ITGB3BP: variants seen among roughly 807,000 people sequenced by gnomAD.
ITGB3BP encodes integrin subunit beta 3 binding protein.
Under a neutral mutation model 29.1 loss-of-function variants are expected in ITGB3BP, and 27 were observed. That is an observed-to-expected ratio of 0.93 (90% CI 0.68 to 1.28). The LOEUF is 1.28. ITGB3BP is among the 50% of genes most tolerant of loss of function. The pLI, the probability that ITGB3BP is intolerant of heterozygous loss-of-function variation, is 0.00. For synonymous variants in ITGB3BP, 61 were observed against 61.4 expected, an observed-to-expected ratio of 0.99 and a Z score of 0.03; for missense variants, 192 against 200.2, an observed-to-expected ratio of 0.96 and a Z score of 0.25.
chr1:63,480,646 C>A (rs1173918088), intron 3 of ITGB3BP, among the ~76,000 whole-genome samples: 2 of 151,334 alleles, frequency 1.3e-5, no homozygotes, highest in East Asian at 3.9e-4. Context: ...AAAAACAAAA[C>A]AAAAAAAACC....
At chr1:63,478,953 G>A (rs1645390064) in intron 3 of ITGB3BP, 120 bp from the exon 4 acceptor site, 1 of 397,728 alleles carries the variant, frequency 2.5e-6, no homozygotes, top group Non-Finnish European at 4.5e-6. Context: ...AAGGGAGGTG[G>A]GCAAAGAAAA....
intron 1 of ITGB3BP, among the ~76,000 whole-genome samples, chr1:63,509,841 G>C (rs903776892): frequency 2.0e-5 from 3 of 152,118 alleles, no homozygotes; most frequent in African/African-American, 7.2e-5. Flanking sequence ...ATTTAGCTTT[G>C]GAATACATAT....
chr1:63,527,845 G>A (rs928435145), upstream of ITGB3BP: 4 of 152,156 alleles, frequency 2.6e-5, no homozygotes, highest in African/African-American at 9.7e-5. Context: ...GCAAGCATAT[G>A]CTAAGCTACC....
intron 2 of ITGB3BP, among the ~76,000 whole-genome samples, chr1:63,496,338 C>G (rs933100758): frequency 2.0e-5 from 3 of 152,066 alleles, no homozygotes; most frequent in African/African-American, 7.2e-5. Context: ...AGCAATCTGC[C>G]AGCCTCAGCC....
At chr1:63,467,005 CCTATGTAGCTGG>C (rs899407215) in intron 4 of ITGB3BP, among the ~76,000 whole-genome samples, 2 of 152,052 alleles carry the variant, frequency 1.3e-5, no homozygotes, top group Admixed American at 1.3e-4. Flanking sequence ...CAAACAGCCT[CCTATGTAGCTGG>C]GTCCACAGGT....
At chr1:63,480,538 ACAGT>A (rs1006230291) in intron 3 of ITGB3BP, among the ~76,000 whole-genome samples, 3 of 152,062 alleles carry the variant, frequency 2.0e-5, no homozygotes, top group African/African-American at 7.2e-5. Flanking sequence ...CTAATGAAAA[ACAGT>A]CAAACGAAAC....
chr1:63,494,603 C>T (rs1481833021), intron 2 of ITGB3BP, among the ~76,000 whole-genome samples: 3 of 152,080 alleles, frequency 2.0e-5, no homozygotes, highest in Admixed American at 2.0e-4. Context: ...TATACATTTG[C>T]TAAAACTCAT....
chr1:63,448,669 C>G (rs1367263059), intron 7 of ITGB3BP, among the ~76,000 whole-genome samples: 1 of 151,984 alleles, frequency 6.6e-6, no homozygotes, highest in Non-Finnish European at 1.5e-5. Flanking sequence ...AAAAAGTTCA[C>G]CTGTCAGGTG....
At chr1:63,473,920 TG>T (rs1298903640) in intron 4 of ITGB3BP, among the ~76,000 whole-genome samples, 1 of 8,750 alleles carries the variant, frequency 1.1e-4, no homozygotes, top group Non-Finnish European at 2.6e-4. Flanking sequence ...GGGAGGGAGG[TG>T]GGGGGGTCAG....
intron 4 of ITGB3BP, among the ~76,000 whole-genome samples, 195 bp from the exon 5 acceptor site, chr1:63,455,163 A>C (rs1644915176): frequency 6.6e-6 from 1 of 152,164 alleles, no homozygotes; most frequent in African/African-American, 2.4e-5. Flanking sequence ...GGGATGGAAG[A>C]CATAGTTGGC....
chr1:63,453,875 A>T, intron 7 of ITGB3BP, 43 bp downstream of exon 7: 1 of 1,189,474 alleles, frequency 8.4e-7, no homozygotes, highest in Non-Finnish European at 1.2e-6. Flanking sequence ...GCAAAATGGG[A>T]TGAAAGCATC....
chr1:63,518,030 T>C (rs1646372565), intron 1 of ITGB3BP, among the ~76,000 whole-genome samples: 1 of 152,168 alleles, frequency 6.6e-6, no homozygotes, highest in South Asian at 2.1e-4. Flanking sequence ...GCCCCACTTT[T>C]TCCTTTTTAA....
chr1:63,496,168 C>A (rs1237041772), intron 2 of ITGB3BP, among the ~76,000 whole-genome samples: 7 of 151,708 alleles, frequency 4.6e-5, no homozygotes, highest in Non-Finnish European at 1.0e-4. Context: ...TCACGGCTCA[C>A]TGCAACGTCC....
intron 3 of ITGB3BP, among the ~76,000 whole-genome samples, chr1:63,483,346 T>C (rs1260002939): frequency 6.6e-6 from 1 of 152,216 alleles, no homozygotes; most frequent in Non-Finnish European, 1.5e-5. Context: ...TTCACAATAA[T>C]AAAAATGTTT....
At chr1:63,505,205 T>C (rs1172572872) in intron 2 of ITGB3BP, among the ~76,000 whole-genome samples, 1 of 152,224 alleles carries the variant, frequency 6.6e-6, no homozygotes, top group Non-Finnish European at 1.5e-5. Flanking sequence ...TATTGGTCTA[T>C]TCGGAGGTTC....
chr1:63,507,100 A>G (rs1646097875), intron 2 of ITGB3BP, among the ~76,000 whole-genome samples: 2 of 152,212 alleles, frequency 1.3e-5, no homozygotes, highest in Non-Finnish European at 1.5e-5. Flanking sequence ...CAAACAAATG[A>G]TAAGGCAAGA....
intron 4 of ITGB3BP, among the ~76,000 whole-genome samples, chr1:63,470,246 T>C (rs1645172956): frequency 6.6e-6 from 1 of 152,204 alleles, no homozygotes; most frequent in Non-Finnish European, 1.5e-5. Flanking sequence ...TGTGTGTGTG[T>C]CTTTAATTCC....
intron 4 of ITGB3BP, among the ~76,000 whole-genome samples, chr1:63,472,243 T>C (rs1036417037): frequency 6.6e-6 from 1 of 151,862 alleles, no homozygotes; most frequent in East Asian, 1.9e-4. Flanking sequence ...TAAATTTGTA[T>C]AGTGTAGGAC....
chr1:63,512,611 T>A lies in ITGB3BP; in HGVS notation c.6-4041A>T, dbSNP rs76761242. Among the ~76,000 whole-genome samples the A allele has an allele frequency of 6.6e-3, 1,004 of 152,284 alleles. 10 individuals carry two copies. The highest frequency in any genetic ancestry group is 0.023 in the African/African-American group (941 of 41,570). On this transcript the variant is annotated intron_variant, in intron 1 of 8. Coordinates refer to ENST00000271002, the MANE Select transcript of ITGB3BP (RefSeq NM_014288.5). ...TAAGACTCAGGGAGCCTTCATGCTA[T>A]GCCAAATTCTTCCCTAAGGTTGGGC...
Sources: gnomAD v4.1 joint callset for allele counts (sites outside exome capture counted in the v4.1 genomes callset) on GRCh38, gnomAD v4.1.1 for gene constraint, MANE v1.5 for transcripts, NCBI Gene and HGNC (gene_info 2026-07-23, HGNC 2026-07-21) for gene names.